GALNT7: variants seen among roughly 807,000 people sequenced by gnomAD.
The protein encoded by GALNT7 is N-acetylgalactosaminyltransferase 7.
A neutral mutation model predicts 82.1 loss-of-function variants in GALNT7; 60 were observed. The observed-to-expected ratio is 0.73, with a 90% CI of 0.59 to 0.91. The LOEUF is 0.91. GALNT7 is among the 40% of genes least tolerant of loss of function. GALNT7 has a pLI of 0.00. For missense variants in GALNT7, 660 were observed against 804.2 expected (o/e 0.82, Z 2.17); for synonymous variants, 243 against 275.1 (o/e 0.88, Z 1.15).
At chr4:173,247,163 T>C (rs1461733757) in intron 1 of GALNT7, among the ~76,000 whole-genome samples, 1 of 151,898 alleles carries the variant, frequency 6.6e-6, no homozygotes, top group Non-Finnish European at 1.5e-5. Flanking sequence ...AGAATGGTAC[T>C]GGCTTAGGAA....
chr4:173,215,992 C>T (rs1043276998), intron 1 of GALNT7, among the ~76,000 whole-genome samples: 4 of 152,106 alleles, frequency 2.6e-5, no homozygotes, highest in Non-Finnish European at 5.9e-5. Context: ...GGCATGGCAG[C>T]ATGGGCCTGT....
chr4:173,317,991 G>A (rs1487952296), intron 10 of GALNT7, among the ~76,000 whole-genome samples: 1 of 152,150 alleles, frequency 6.6e-6, no homozygotes, highest in African/African-American at 2.4e-5. Context: ...ATTCCTGTGG[G>A]AGTATATATT....
intron 2 of GALNT7, among the ~76,000 whole-genome samples, chr4:173,261,874 T>C (rs1735278837): frequency 6.6e-6 from 1 of 152,154 alleles, no homozygotes; most frequent in Admixed American, 6.5e-5. Flanking sequence ...TAGGCTTTTA[T>C]TTATGTCAGT....
At chr4:173,188,467 G>C (rs139475969) in intron 1 of GALNT7, among the ~76,000 whole-genome samples, 1,752 of 152,212 alleles carry the variant, frequency 0.012, 28 homozygotes, top group Non-Finnish European at 0.019. Context: ...GGCATACATT[G>C]GTACGTTAAA....
rs1736957997 is a variant in GALNT7, at chr4:173,301,963, G to A, written c.1149-84G>A. ...TGTCTCTTCTATGCATTTTCAGGCT[G>A]TATTCTACAAGGCTTCTTGCCTATT... On this transcript the variant is annotated intron_variant, in intron 6 of 11. Transcript: ENST00000265000. 16 of 698,796 alleles carry A rather than the reference G, an allele frequency of 2.3e-5. No homozygotes were observed. The South Asian group carries it at 2.6e-4, about 11-fold the overall frequency. The allele number at this position is 698,796 out of a possible 1,614,324, so 43.3% of individuals were successfully genotyped here. A position where few individuals can be genotyped will look rare whatever the true frequency, so the allele number is the denominator to read the frequency against.
intron 2 of GALNT7, among the ~76,000 whole-genome samples, chr4:173,254,000 AT>A (rs1375066134): frequency 1.3e-5 from 2 of 152,218 alleles, no homozygotes; most frequent in African/African-American, 4.8e-5. Context: ...AAACAAATGA[AT>A]TAAATATTTT....
intron 1 of GALNT7, among the ~76,000 whole-genome samples, chr4:173,210,791 A>G (rs1733255726): frequency 6.6e-6 from 1 of 152,312 alleles, no homozygotes; most frequent in African/African-American, 2.4e-5. Context: ...TTCTGCAACA[A>G]AAAAATTAAA....
intron 2 of GALNT7, among the ~76,000 whole-genome samples, chr4:173,277,028 AGATAGATTGATT>A (rs1440772846): frequency 1.6e-4 from 25 of 152,214 alleles, no homozygotes; most frequent in African/African-American, 5.1e-4. Flanking sequence ...AAGAGACGAT[AGATAGATTGATT>A]GATAGATTGA....
intron 1 of GALNT7, among the ~76,000 whole-genome samples, chr4:173,189,957 A>G (rs192460897): frequency 2.0e-5 from 3 of 151,944 alleles, no homozygotes; most frequent in African/African-American, 4.8e-5. Context: ...TAATTAAAAT[A>G]TAGATTTGGC....
chr4:173,184,204 G>A (rs1487496352), intron 1 of GALNT7, among the ~76,000 whole-genome samples: 2 of 151,860 alleles, frequency 1.3e-5, no homozygotes, highest in African/African-American at 4.8e-5. Flanking sequence ...GGTGGCGGCC[G>A]GGCAGAGGCT....
In GALNT7 at chr4:173,318,557, A is replaced by G; in HGVS notation, c.1834A>G (p.Lys612Glu). ...TGAATTTAAGGAATGGCAGTACTTC[A>G]AGGTATTCTGCATTTTAACTTCTGA... is the stretch of plus-strand genomic sequence containing the variant. ...LNEFKEWQYF[K>E]NLHRFTHIPS... The change falls in exon 11 of 12, where the codon AAG (lysine) becomes GAG (glutamate). Residue 612 changes from lysine to glutamate, a missense_variant and splice_region_variant. Lys to Glu is a moderately conservative substitution (Grantham distance 56). Coordinates refer to ENST00000265000, the MANE Select transcript of GALNT7 (RefSeq NM_017423.3). 1 of 1,544,276 alleles carries G rather than the reference A, an allele frequency of 6.5e-7. No homozygotes were observed. Among genetic ancestry groups the G allele is most frequent in the Non-Finnish European group, 8.9e-7 (1 of 1,119,502 alleles).
chr4:173,204,856 T>C lies in GALNT7; in HGVS notation c.126+35895T>C, dbSNP rs185549390. On this transcript the variant is annotated intron_variant, in intron 1 of 11. Transcript: ENST00000265000. ...CTTTTGTGTTCTTTTGGTGGTATTA[T>C]GTCTCTTTGTTTTTCATGTTTTTTG... Among the ~76,000 whole-genome samples the C allele has an allele frequency of 2.0e-3, 308 of 152,336 alleles. 1 individual carries two copies. Among genetic ancestry groups the C allele is most frequent in the African/African-American group, 7.1e-3 (295 of 41,576 alleles).
chr4:173,308,413 CAT>C (rs1301690389), intron 8 of GALNT7, among the ~76,000 whole-genome samples: 2 of 151,728 alleles, frequency 1.3e-5, no homozygotes, highest in African/African-American at 4.9e-5. Context: ...GTTATTCACA[CAT>C]GAGTAAAATA....
chr4:173,285,837 A>T (rs142708748), intron 2 of GALNT7, among the ~76,000 whole-genome samples: 1 of 152,214 alleles, frequency 6.6e-6, no homozygotes, highest in Non-Finnish European at 1.5e-5. Flanking sequence ...AGAGGGGCTT[A>T]TCCACCTCTA....
intron 1 of GALNT7, among the ~76,000 whole-genome samples, chr4:173,202,368 T>G (rs1324794403): frequency 6.6e-6 from 1 of 152,150 alleles, no homozygotes; most frequent in East Asian, 1.9e-4. Flanking sequence ...CCACCTAAAC[T>G]TGTAGGACAC....
intron 1 of GALNT7, among the ~76,000 whole-genome samples, chr4:173,223,323 T>C (rs1290219493): frequency 3.3e-5 from 5 of 152,196 alleles, no homozygotes; most frequent in South Asian, 4.1e-4. Flanking sequence ...TCAATACATA[T>C]GGTGAATAAA....
chr4:173,321,625 C>T lies in GALNT7; in HGVS notation c.1882C>T (p.Arg628Cys), dbSNP rs1737820771. The part of the protein sequence containing the change: ...THIPSGKCLD[R>C]SEVLHQVFIS... Reference sequence around the variant, plus strand: ...TATTCCTTCAGGAAAGTGTTTAGATCGCTCAGAGGTCCTGCATCAAGTATT... The same window carrying T: ...TATTCCTTCAGGAAAGTGTTTAGATTGCTCAGAGGTCCTGCATCAAGTATT... The change falls in exon 12 of 12, where the codon CGC becomes TGC. Residue 628 changes from arginine (R) to cysteine (C), a missense_variant. Physicochemically the swap from Arg to Cys is radical, Grantham distance 180. This residue lies in a region of GALNT7 where 527 missense variants were observed against 683.5 expected (regional missense o/e 0.77). Coordinates refer to ENST00000265000, the MANE Select transcript of GALNT7 (RefSeq NM_017423.3). The T allele has an allele frequency of 5.6e-6, 9 of 1,605,788 alleles. No homozygotes were observed. Among genetic ancestry groups the T allele is most frequent in the South Asian group, 1.1e-5 (1 of 90,926 alleles).
Position 173,302,171 on chromosome 4 carries a change from T to A in GALNT7, c.1266+7T>A. The A allele has an allele frequency of 8.7e-7, 1 of 1,151,368 alleles. No homozygotes were observed. 71.3% of individuals were successfully genotyped at this position (1,151,368 alleles called of 1,614,324 possible). A position where few individuals can be genotyped will look rare whatever the true frequency, so the allele number is the denominator to read the frequency against. On this transcript the variant is annotated splice_region_variant and intron_variant, in intron 7 of 11. Coordinates refer to ENST00000265000, the MANE Select transcript of GALNT7 (RefSeq NM_017423.3). The surrounding 1 kb of genome is among the most constrained non-coding windows in gnomAD (Gnocchi z 4.2). ...CTTTGAGATCTCATACAAGGTAACATTTTATTTCAACAGATGGAATTCTCC... is the reference window on the plus strand; with the variant it reads ...CTTTGAGATCTCATACAAGGTAACAATTTATTTCAACAGATGGAATTCTCC...
intron 1 of GALNT7, among the ~76,000 whole-genome samples, chr4:173,209,770 C>T (rs765268172): frequency 3.3e-5 from 5 of 152,174 alleles, no homozygotes; most frequent in African/African-American, 7.2e-5. Flanking sequence ...CCTTCCTTTC[C>T]GGGTGCCAGC....
Sources: allele counts gnomAD v4.1 joint callset (sites outside exome capture counted in the v4.1 genomes callset), GRCh38; gene constraint gnomAD v4.1.1; regional missense constraint gnomAD v4.1.1; non-coding constraint Gnocchi (gnomAD v3.1); transcripts MANE v1.5; gene names NCBI Gene and HGNC (gene_info 2026-07-23, HGNC 2026-07-21).